The following PREX2 variants were observed in gnomAD, a reference collection of about 807,000 sequenced individuals.
PREX2 encodes the protein phosphatidylinositol-3,4,5-trisphosphate dependent Rac exchange factor 2.
A neutral mutation model predicts 203.2 loss-of-function variants in PREX2; 107 were observed. That is an observed-to-expected ratio of 0.53 (90% CI 0.45 to 0.62). The LOEUF (loss-of-function observed/expected upper bound fraction) is 0.62. Ranked by LOEUF, PREX2 falls within the 20% of genes least tolerant of loss-of-function variation. The pLI, the probability that PREX2 is intolerant of heterozygous loss-of-function variation, is 0.00. For synonymous variants in PREX2, 672 were observed against 663.6 expected (o/e 1.01, Z -0.19); for missense variants, 1,777 against 1,955.9 (o/e 0.91, Z 1.72).
Position 68,234,248 on chromosome 8 carries a change from A to G in PREX2, c.*2870A>G, listed in dbSNP as rs1188114218. The G allele has an allele frequency of 6.6e-6, 1 of 152,142 alleles. No individual in the cohort carries two copies. Among genetic ancestry groups the G allele is most frequent in the Non-Finnish European group, 1.5e-5 (1 of 68,024 alleles). 9.4% of individuals were successfully genotyped at this position (152,142 alleles called of 1,614,324 possible). A position where few individuals can be genotyped will look rare whatever the true frequency, so the allele number is the denominator to read the frequency against. On this transcript the variant is annotated 3_prime_UTR_variant, in exon 40 of 40. Transcript: ENST00000288368. ...TGACATTGGGCATTAAATGGCCTTG[A>G]GGTTTTAGGATGTGTTTACCTTAAT...
chr8:68,021,729 T>C (rs1187324918), intron 3 of PREX2, among the ~76,000 whole-genome samples: 1 of 152,218 alleles, frequency 6.6e-6, no homozygotes, highest in East Asian at 1.9e-4. Flanking sequence ...TTCTTCCTCT[T>C]TTTAAGCTGT....
intron 1 of PREX2, among the ~76,000 whole-genome samples, chr8:67,967,383 A>G (rs1805805975): frequency 6.6e-6 from 1 of 152,158 alleles, no homozygotes; most frequent in Non-Finnish European, 1.5e-5. Context: ...TAAAGGTGCA[A>G]TCTTTAAAAT....
At chr8:67,964,253 C>T (rs10091922) in intron 1 of PREX2, among the ~76,000 whole-genome samples, 20,639 of 152,192 alleles carry the variant, frequency 0.14, 1,857 homozygotes, top group African/African-American at 0.26. Flanking sequence ...CTCATCCCCA[C>T]GACCAGATCT....
At chr8:68,079,654 C>CTT (rs35411445) in intron 15 of PREX2, among the ~76,000 whole-genome samples, 2 of 151,668 alleles carry the variant, frequency 1.3e-5, no homozygotes, top group African/African-American at 2.4e-5. Flanking sequence ...AAATAGATAA[C>CTT]TTTTTTTTGT....
chr8:68,166,388 C>T (rs1000255307), intron 35 of PREX2, among the ~76,000 whole-genome samples: 5 of 152,116 alleles, frequency 3.3e-5, no homozygotes, highest in South Asian at 2.1e-4. Flanking sequence ...AAGGAAGAAA[C>T]GAAAGCAAAA....
intron 30 of PREX2, among the ~76,000 whole-genome samples, chr8:68,125,108 G>A (rs746926342): frequency 4.6e-5 from 7 of 151,988 alleles, no homozygotes; most frequent in Non-Finnish European, 1.0e-4. Context: ...TGTGATGTCC[G>A]GTCCTGTTAG....
intron 6 of PREX2, among the ~76,000 whole-genome samples, chr8:68,033,822 C>G (rs1807953473): frequency 1.3e-5 from 2 of 152,154 alleles, no homozygotes; most frequent in Non-Finnish European, 2.9e-5. Flanking sequence ...GTTATAATCA[C>G]ATACAATGAG....
intron 1 of PREX2, among the ~76,000 whole-genome samples, chr8:67,990,394 TA>T (rs111707841): frequency 0.047 from 6,763 of 144,814 alleles, 448 homozygotes; most frequent in African/African-American, 0.15. Flanking sequence ...CATGGGAGAT[TA>T]AAAAAAAAAA....
At chr8:67,955,227 C>A (rs533869672) in intron 1 of PREX2, among the ~76,000 whole-genome samples, 1 of 152,034 alleles carries the variant, frequency 6.6e-6, no homozygotes, top group South Asian at 2.1e-4. Context: ...TTTCTGAGCC[C>A]TCTCTCTCCT....
intron 20 of PREX2, 88 bp from the exon 21 acceptor site, chr8:68,093,517 G>T: frequency 1.8e-6 from 1 of 555,676 alleles, no homozygotes; most frequent in East Asian, 2.8e-5. Context: ...AAAGAATCTA[G>T]AGGAATAAAT....
intron 35 of PREX2, chr8:68,177,118 A>G (rs1811995957): frequency 6.6e-6 from 1 of 152,654 alleles, no homozygotes; most frequent in South Asian, 2.1e-4. Flanking sequence ...TATTTGAAGT[A>G]GGAACTTTTT....
chr8:68,210,714 G>A (rs1812726832), intron 37 of PREX2, among the ~76,000 whole-genome samples: 1 of 152,164 alleles, frequency 6.6e-6, no homozygotes, highest in African/African-American at 2.4e-5. Context: ...TAGGCTTCTG[G>A]AGGTTTTGAA....
chr8:68,030,382 C>A, intron 5 of PREX2, 115 bp from the exon 6 acceptor site: 1 of 865,820 alleles, frequency 1.2e-6, no homozygotes, highest in Non-Finnish European at 1.7e-6. Context: ...TTTGTGATGT[C>A]ACTTATGGAA....
At chr8:68,121,510 A>G (rs575279223) in intron 30 of PREX2, among the ~76,000 whole-genome samples, 15 of 152,250 alleles carry the variant, frequency 9.9e-5, no homozygotes, top group African/African-American at 2.9e-4. Flanking sequence ...GTTGATTGCT[A>G]TTAACTACCA....
chr8:68,041,086 C>T (rs1808182626), intron 7 of PREX2, among the ~76,000 whole-genome samples: 2 of 152,070 alleles, frequency 1.3e-5, no homozygotes, highest in Non-Finnish European at 1.5e-5. Context: ...ATGTACTTCA[C>T]CCTAACCATA....
chr8:68,078,680 A>G (rs1055363125), intron 15 of PREX2, among the ~76,000 whole-genome samples: 1 of 152,152 alleles, frequency 6.6e-6, no homozygotes, highest in Admixed American at 6.5e-5. Context: ...TGTCGTGGAG[A>G]AATATTGGTC....
chr8:68,102,337 C>G (rs1006992709), intron 23 of PREX2, among the ~76,000 whole-genome samples: 2 of 152,158 alleles, frequency 1.3e-5, no homozygotes, highest in African/African-American at 4.8e-5. Context: ...CACCTAGGGC[C>G]TATGTGCTTT....
At chr8:68,127,289 G>C in intron 30 of PREX2, 89 bp from the exon 31 acceptor site, 2 of 1,028,988 alleles carry the variant, frequency 1.9e-6, no homozygotes, top group Non-Finnish European at 2.9e-6. Context: ...AGTCCAATAA[G>C]ATCATACTAA....
chr8:68,198,686 C>T (rs1008703829), intron 37 of PREX2, among the ~76,000 whole-genome samples: 86 of 152,132 alleles, frequency 5.7e-4, no homozygotes, highest in African/African-American at 2.0e-3. Flanking sequence ...TTAATTTCGG[C>T]CTCCTTAGCC....
Sources: allele counts gnomAD v4.1 joint callset (sites outside exome capture counted in the v4.1 genomes callset), GRCh38; gene constraint gnomAD v4.1.1; transcripts MANE v1.5; gene names NCBI Gene and HGNC (gene_info 2026-07-23, HGNC 2026-07-21).